Variants in DCBLD2 observed in about 807,000 individuals in gnomAD.
DCBLD2 encodes the protein discoidin, CUB and LCCL domain-containing protein 2.
DCBLD2 carries 54 observed loss-of-function variants against 86.8 expected under a neutral mutation model. The ratio of observed to expected loss-of-function variants is 0.62; its 90% CI spans 0.50 to 0.78. The LOEUF is 0.78. DCBLD2 is among the 30% of genes least tolerant of loss of function. The pLI is 0.00. For synonymous variants in DCBLD2, 354 were observed against 341.3 expected (o/e 1.04, Z -0.41); for missense variants, 908 against 954.2 (o/e 0.95, Z 0.64).
intron 3 of DCBLD2, among the ~76,000 whole-genome samples, chr3:98,832,220 C>T (rs995567661): frequency 1.3e-5 from 2 of 151,982 alleles, no homozygotes; most frequent in Non-Finnish European, 2.9e-5. Context: ...GAGCTTTGTT[C>T]GTTTAAAGTC....
At position 98,857,237 on chromosome 3, in the gene DCBLD2, C is replaced by T. The variant is rs1001672842; in HGVS notation, c.434-7639G>A. Among the ~76,000 whole-genome samples the T allele has an allele frequency of 5.3e-5, 8 of 152,146 alleles. No individual in the cohort carries two copies. In the South Asian group the frequency reaches 1.7e-3, roughly 32 times the overall value. Reference sequence around the variant, plus strand: ...CTCGCTGGCTTCAGGAGTGAAGCTGCAGACCTTTGCGGTGAGTGTTACAGC... The same window carrying T: ...CTCGCTGGCTTCAGGAGTGAAGCTGTAGACCTTTGCGGTGAGTGTTACAGC... On this transcript the variant is annotated intron_variant, in intron 2 of 15. Transcript: ENST00000326840.
At chr3:98,862,867 C>T (rs908733197) in intron 2 of DCBLD2, among the ~76,000 whole-genome samples, 1 of 152,070 alleles carries the variant, frequency 6.6e-6, no homozygotes, top group Admixed American at 6.6e-5. Flanking sequence ...GAAGTTCTGG[C>T]CAGGGCAATC....
At chr3:98,834,285 A>G (rs1239785830) in intron 3 of DCBLD2, among the ~76,000 whole-genome samples, 3 of 150,498 alleles carry the variant, frequency 2.0e-5, no homozygotes, top group Non-Finnish European at 4.4e-5. Flanking sequence ...ATCACCTTGA[A>G]TACTTTTCTT....
intron 3 of DCBLD2, 129 bp from the exon 4 acceptor site, chr3:98,825,495 G>A (rs1049933185): frequency 1.4e-6 from 1 of 704,446 alleles, no homozygotes; most frequent in East Asian, 3.2e-5. Flanking sequence ...TGTCAAAGTG[G>A]TACTAAAAAC....
rs1942054912 is a variant in DCBLD2 at position 98,818,001 on chromosome 3, A to G, written c.1088-108T>C. On this transcript the variant is annotated intron_variant, in intron 8 of 15. Coordinates refer to ENST00000326840, the MANE Select transcript of DCBLD2 (RefSeq NM_080927.4). Reference sequence around the variant, plus strand: ...ATGCACAGCTCGAACATTTCTAATTATGGCTCATTTCCATATCCAAGTGCA... The same window carrying G: ...ATGCACAGCTCGAACATTTCTAATTGTGGCTCATTTCCATATCCAAGTGCA... The G allele has an allele frequency of 3.6e-5, 49 of 1,365,778 alleles. 1 individual carries two copies. In the East Asian group the frequency reaches 1.2e-3, roughly 33 times the overall value. The allele number at this position is 1,365,778 out of a possible 1,614,324, so 84.6% of individuals were successfully genotyped here.
intron 13 of DCBLD2, among the ~76,000 whole-genome samples, chr3:98,804,404 A>AT (rs1941790983): frequency 2.0e-5 from 3 of 151,996 alleles, no homozygotes; most frequent in Admixed American, 2.0e-4. Context: ...CCCCTTTATC[A>AT]TTTTTTATTG....
chr3:98,811,593 T>C (rs1233941491), intron 10 of DCBLD2, 39 bp from the exon 11 acceptor site: 1 of 1,517,264 alleles, frequency 6.6e-7, no homozygotes, highest in Non-Finnish European at 8.9e-7. Flanking sequence ...CATTTTGTTT[T>C]TAAAAATCAT....
At position 98,818,129 on chromosome 3, in the gene DCBLD2, G is replaced by T. The variant is rs560695423; in HGVS notation, c.1088-236C>A. 1.2e-4 allele frequency among the ~76,000 whole-genome samples: 18 copies of T among 152,262 alleles called. No homozygotes were observed. The South Asian group carries it at 1.2e-3, about 11-fold the overall frequency. On this transcript the variant is annotated intron_variant, in intron 8 of 15. Coordinates refer to ENST00000326840, the MANE Select transcript of DCBLD2 (RefSeq NM_080927.4). The stretch of plus-strand genomic sequence containing the variant: ...TTAAGTAAAGAACTATTCTGTTTTG[G>T]TGTCTTGTGTTTATAACGTCGTAAA...
intron 1 of DCBLD2, among the ~76,000 whole-genome samples, chr3:98,889,656 A>G (rs1943624796): frequency 6.6e-6 from 1 of 152,040 alleles, no homozygotes; most frequent in Non-Finnish European, 1.5e-5. Context: ...GTTGGCCATT[A>G]ATCAGTTTTG....
intron 2 of DCBLD2, among the ~76,000 whole-genome samples, chr3:98,858,852 A>T (rs1942985689): frequency 6.6e-6 from 1 of 152,248 alleles, no homozygotes; most frequent in Admixed American, 6.5e-5. Context: ...GAATAGGAAC[A>T]GCTCCAGTCT....
intron 1 of DCBLD2, chr3:98,895,177 T>G (rs1436177751): frequency 1.3e-5 from 2 of 152,128 alleles, no homozygotes; most frequent in East Asian, 3.9e-4. Flanking sequence ...ATGCTGGCAT[T>G]AGATTAAGTC....
At chr3:98,813,991 G>T (rs1443312086) in intron 9 of DCBLD2, 1 of 152,168 alleles carries the variant, frequency 6.6e-6, no homozygotes, top group Non-Finnish European at 1.5e-5. Context: ...CTCTAGGTCA[G>T]ATCAACTAGG....
At chr3:98,812,286 A>G (rs1358147002) in intron 10 of DCBLD2, 46 bp downstream of exon 10, 1 of 1,601,914 alleles carries the variant, frequency 6.2e-7, no homozygotes, top group Non-Finnish European at 8.5e-7. Context: ...ACCATTTTAA[A>G]TTGGCAATCC....
intron 3 of DCBLD2, among the ~76,000 whole-genome samples, chr3:98,839,025 C>T: frequency 6.7e-6 from 1 of 149,808 alleles, no homozygotes; most frequent in South Asian, 2.1e-4. Flanking sequence ...GGGAGACCGT[C>T]GGGAGAGGGA....
At chr3:98,867,462 C>T (rs1361735242) in intron 2 of DCBLD2, among the ~76,000 whole-genome samples, 2 of 151,974 alleles carry the variant, frequency 1.3e-5, no homozygotes, top group South Asian at 4.1e-4. Flanking sequence ...AAAATATGTA[C>T]AATTTTCATG....
intron 2 of DCBLD2, among the ~76,000 whole-genome samples, chr3:98,875,431 A>C (rs894653645): frequency 1.4e-4 from 22 of 152,086 alleles, no homozygotes; most frequent in African/African-American, 4.6e-4. Context: ...AGAAAGGAGA[A>C]AAAAAAAGAG....
In DCBLD2 at chr3:98,901,399, G is replaced by T. The variant is rs1233664761; in HGVS notation, c.-73C>A. The stretch of plus-strand genomic sequence containing the variant: ...CCGCGCGCCTCTGGCCGCGGCACCC[G>T]ACCAGGAGACGGCGGCAGCGGCGGG... On this transcript the variant is annotated 5_prime_UTR_variant, in exon 1 of 16. Transcript: ENST00000326840. 3 of 1,247,154 alleles carry T rather than the reference G, an allele frequency of 2.4e-6. No individual in the cohort carries two copies. Among genetic ancestry groups the T allele is most frequent in the Non-Finnish European group, 3.0e-6 (3 of 997,248 alleles). The allele number at this position is 1,247,154 out of a possible 1,614,324, so 77.3% of individuals were successfully genotyped here. A position where few individuals can be genotyped will look rare whatever the true frequency, so the allele number is the denominator to read the frequency against.
At chr3:98,824,334 A>T (rs1942177730) in intron 4 of DCBLD2, among the ~76,000 whole-genome samples, 1 of 152,076 alleles carries the variant, frequency 6.6e-6, no homozygotes, top group Admixed American at 6.6e-5. Flanking sequence ...GCAGCCCCGG[A>T]CAGGGATAAT....
chr3:98,849,645 T>A (rs1458132287), intron 2 of DCBLD2, 47 bp from the exon 3 acceptor site: 3 of 1,579,252 alleles, frequency 1.9e-6, no homozygotes, highest in African/African-American at 1.4e-5. Flanking sequence ...TCTCATGAAG[T>A]CAATAATATT....
Sources: gnomAD v4.1 joint callset for allele counts (sites outside exome capture counted in the v4.1 genomes callset) on GRCh38, gnomAD v4.1.1 for gene constraint, MANE v1.5 for transcripts, NCBI Gene and HGNC (gene_info 2026-07-23, HGNC 2026-07-21) for gene names.